The following SAMD4A variants were observed in gnomAD, a reference collection of about 807,000 sequenced individuals.
The protein encoded by SAMD4A is protein Smaug homolog 1.
In SAMD4A, 33 loss-of-function variants were observed where a neutral mutation model predicts 81.3. The ratio of observed to expected loss-of-function variants is 0.41; its 90% CI spans 0.31 to 0.54. SAMD4A has a LOEUF of 0.54. SAMD4A is among the 20% of genes least tolerant of loss of function. SAMD4A has a pLI of 0.37. For missense variants in SAMD4A, 854 were observed against 951.1 expected (o/e 0.90, Z 1.34); for synonymous variants, 389 against 382.1 (o/e 1.02, Z -0.21).
At chr14:54,590,618 TCTC>T (rs1268406600) in intron 2 of SAMD4A, among the ~76,000 whole-genome samples, 1 of 152,212 alleles carries the variant, frequency 6.6e-6, no homozygotes, top group African/African-American at 2.4e-5. Flanking sequence ...TCTCCTCTCT[TCTC>T]CTCTCCTAGC....
At chr14:54,672,751 G>C (rs534905245) in intron 2 of SAMD4A, among the ~76,000 whole-genome samples, 1 of 152,176 alleles carries the variant, frequency 6.6e-6, no homozygotes, top group African/African-American at 2.4e-5. Flanking sequence ...ATGTAAATAA[G>C]TCTATGTATG....
At position 54,761,719 on chromosome 14, in the gene SAMD4A, CTT is replaced by C. The variant is rs1352323515; in HGVS notation, c.1510+1228_1510+1229del. On this transcript the variant is annotated intron_variant, in intron 7 of 12. Coordinates refer to ENST00000554335, the MANE Select transcript of SAMD4A (RefSeq NM_015589.6). Reference sequence around the variant, plus strand: ...ATGGGACAGCCTTGCCTATAACACTCTTTTCCTCACCCCATTCCCTTCACCTG... The same window carrying C: ...ATGGGACAGCCTTGCCTATAACACTCTTCCTCACCCCATTCCCTTCACCTG... Among the ~76,000 whole-genome samples the C allele has an allele frequency of 2.6e-5, 4 of 152,246 alleles. No individual in the cohort carries two copies. The East Asian group carries it at 7.7e-4, about 29-fold the overall frequency.
chr14:54,643,251 CA>C (rs1234235403), intron 2 of SAMD4A, among the ~76,000 whole-genome samples: 1 of 152,202 alleles, frequency 6.6e-6, no homozygotes, highest in Non-Finnish European at 1.5e-5. Flanking sequence ...TACACCTTTC[CA>C]AATGGTCTTC....
chr14:54,760,036 A>T, intron 6 of SAMD4A, 125 bp from the exon 7 acceptor site: 1 of 930,914 alleles, frequency 1.1e-6, no homozygotes, highest in South Asian at 1.7e-5. Flanking sequence ...TTTCCCAAAA[A>T]CGTCCTGATG....
intron 2 of SAMD4A, among the ~76,000 whole-genome samples, chr14:54,582,667 T>C (rs1462949015): frequency 6.6e-6 from 1 of 152,224 alleles, no homozygotes; most frequent in Non-Finnish European, 1.5e-5. Flanking sequence ...TAAAGGGCAG[T>C]ATTGGGACAA....
intron 10 of SAMD4A, 74 bp downstream of exon 10, chr14:54,775,209 C>T (rs1053990486): frequency 2.6e-5 from 41 of 1,571,216 alleles, no homozygotes; most frequent in Non-Finnish European, 3.2e-5. Context: ...CCCCAGGTGA[C>T]CCCAGGGTGG....
At chr14:54,652,653 T>G (rs1322771641) in intron 2 of SAMD4A, 1 of 152,218 alleles carries the variant, frequency 6.6e-6, no homozygotes, top group Non-Finnish European at 1.5e-5. Flanking sequence ...AATCTTTTTT[T>G]TTTTAAAGGT....
intron 2 of SAMD4A, among the ~76,000 whole-genome samples, chr14:54,583,138 A>G (rs1441258250): frequency 1.3e-5 from 2 of 152,034 alleles, no homozygotes; most frequent in Non-Finnish European, 2.9e-5. Context: ...GAGACGGGAT[A>G]AAAAGATAAA....
chr14:54,694,056 CA>C (rs2036518659), intron 2 of SAMD4A: 1 of 152,342 alleles, frequency 6.6e-6, no homozygotes, highest in Non-Finnish European at 1.5e-5. Flanking sequence ...AGGAACATCA[CA>C]GCAGCCAGGA....
Position 54,760,316 on chromosome 14 carries a change from G to T in SAMD4A, c.1332G>T (p.Glu444Asp). Reference sequence around the variant, plus strand: ...GTCAGCCCTCACTGATGGGCCCCGAGAGCCAGAGCCCCGACTGCAAAGATG... The same window carrying T: ...GTCAGCCCTCACTGATGGGCCCCGATAGCCAGAGCCCCGACTGCAAAGATG... ...APRQPSLMGP[E>D]SQSPDCKDGA... is the part of the protein sequence containing the mutation. The change falls in exon 7 of 13, where the codon GAG becomes GAT. Residue 444 changes from glutamate (E) to aspartate (D), a missense_variant. By Grantham distance (45) the Glu-to-Asp change is conservative (BLOSUM62 2). Around this residue, in one of 3 missense-constraint regions of SAMD4A, gnomAD observed 428 missense variants for 471.2 expected, o/e 0.91. Transcript: ENST00000554335. The T allele has an allele frequency of 6.2e-7, 1 of 1,607,506 alleles. No individual in the cohort carries two copies. The highest frequency in any genetic ancestry group is 8.5e-7 in the Non-Finnish European group (1 of 1,178,606).
chr14:54,683,967 CATT>C (rs1171463669), intron 2 of SAMD4A, among the ~76,000 whole-genome samples: 1 of 152,120 alleles, frequency 6.6e-6, no homozygotes, highest in Non-Finnish European at 1.5e-5. Context: ...AAAGTCAATC[CATT>C]ACTGGCTCAG....
At chr14:54,714,158 G>A (rs1212650264) in intron 3 of SAMD4A, among the ~76,000 whole-genome samples, 2 of 152,136 alleles carry the variant, frequency 1.3e-5, no homozygotes, top group Admixed American at 1.3e-4. Context: ...GTACCTGACA[G>A]GTTGCTCTAT....
intron 8 of SAMD4A, among the ~76,000 whole-genome samples, 199 bp from the exon 9 acceptor site, chr14:54,769,905 C>T (rs947224578): frequency 7.2e-5 from 11 of 152,162 alleles, no homozygotes; most frequent in African/African-American, 2.7e-4. Flanking sequence ...TACCTTATCA[C>T]GCACCTCCAA....
intron 2 of SAMD4A, among the ~76,000 whole-genome samples, chr14:54,621,172 T>C (rs1052509751): frequency 1.3e-5 from 2 of 152,216 alleles, no homozygotes; most frequent in African/African-American, 4.8e-5. Context: ...TTCAACTCCC[T>C]GATTTCCTTT....
chr14:54,772,425 C>G (rs1200028300), intron 9 of SAMD4A, among the ~76,000 whole-genome samples: 1 of 152,174 alleles, frequency 6.6e-6, no homozygotes, highest in Non-Finnish European at 1.5e-5. Context: ...TGTAATAACC[C>G]TCGAAGGGTC....
At chr14:54,626,059 TGCGCGCGCGCGCGCGCGA>T (rs1314636489) in intron 2 of SAMD4A, among the ~76,000 whole-genome samples, 1 of 102,096 alleles carries the variant, frequency 9.8e-6, no homozygotes, top group African/African-American at 4.0e-5. Context: ...TGTGTGTGTG[TGCGCGCGCGCGCGCGCGA>T]GTGCGCACAT....
intron 10 of SAMD4A, among the ~76,000 whole-genome samples, chr14:54,775,825 T>C (rs749763260): frequency 2.8e-4 from 42 of 151,824 alleles, no homozygotes; most frequent in Non-Finnish European, 5.4e-4. Context: ...GGAAAAGGGC[T>C]TCAGGCAAGA....
intron 2 of SAMD4A, among the ~76,000 whole-genome samples, chr14:54,571,498 T>A (rs558449271): frequency 6.6e-6 from 1 of 152,314 alleles, no homozygotes; most frequent in South Asian, 2.1e-4. Context: ...AAAATAGACT[T>A]TGTGGCATTG....
chr14:54,619,320 A>G (rs2034561354), intron 2 of SAMD4A, among the ~76,000 whole-genome samples: 1 of 152,180 alleles, frequency 6.6e-6, no homozygotes, highest in Non-Finnish European at 1.5e-5. Flanking sequence ...TCGGGGTAGG[A>G]GGAGTAATCT....
Sources: gnomAD v4.1 joint callset for allele counts (sites outside exome capture counted in the v4.1 genomes callset) on GRCh38, gnomAD v4.1.1 for gene constraint, gnomAD v4.1.1 regional missense constraint, MANE v1.5 for transcripts, NCBI Gene and HGNC (gene_info 2026-07-23, HGNC 2026-07-21) for gene names.